FYN: variants seen among roughly 807,000 people sequenced by gnomAD.
The protein encoded by FYN is FYN proto-oncogene, Src family tyrosine kinase, also known as tyrosine-protein kinase Fyn.
In FYN, 10 loss-of-function variants were observed where a neutral mutation model predicts 70.2. The ratio of observed to expected loss-of-function variants is 0.14; its 90% CI spans 0.09 to 0.24. The LOEUF (loss-of-function observed/expected upper bound fraction) is 0.24. Ranked by LOEUF, FYN falls within the 10% of genes least tolerant of loss-of-function variation. The probability of loss-of-function intolerance (pLI) is 1.00; values close to 1 mark genes in which losing one functional copy is unlikely to be tolerated. For missense variants in FYN, 319 were observed against 673.1 expected (o/e 0.47, Z 5.82); for synonymous variants, 236 against 248.6 (o/e 0.95, Z 0.48).
chr6:111,765,623 A>C (rs1239029590), intron 3 of FYN, among the ~76,000 whole-genome samples: 7 of 152,232 alleles, frequency 4.6e-5, no homozygotes, highest in Admixed American at 3.9e-4. Context: ...ATATGTTCTA[A>C]GACTTATTCA....
At chr6:111,855,719 G>A (rs1472264171) in intron 1 of FYN, among the ~76,000 whole-genome samples, 1 of 152,166 alleles carries the variant, frequency 6.6e-6, no homozygotes. Flanking sequence ...AAGTTTGGGT[G>A]TATTCTGTTC....
At chr6:111,767,556 A>G (rs1379012634) in intron 3 of FYN, among the ~76,000 whole-genome samples, 1 of 152,048 alleles carries the variant, frequency 6.6e-6, no homozygotes, top group Non-Finnish European at 1.5e-5. Flanking sequence ...ATGCACCACC[A>G]CACCCAGCTA....
intron 3 of FYN, among the ~76,000 whole-genome samples, chr6:111,742,010 T>A (rs1180816852): frequency 2.0e-5 from 3 of 152,146 alleles, no homozygotes; most frequent in Admixed American, 6.5e-5. Context: ...GTGATTAAAA[T>A]AATCCCCCAT....
rs557273997 is a variant in FYN, at chr6:111,756,214, T to C, written c.-12+24352A>G. Among the ~76,000 whole-genome samples, 4 of 152,162 alleles carry C rather than the reference T, an allele frequency of 2.6e-5. No individual in the cohort carries two copies. The East Asian group carries it at 7.7e-4, about 29-fold the overall frequency. ...AACAGCACACTACTATGAAGAAATA[T>C]GTGCCATTAAGTTTGAAAATTTCAA... is the stretch of plus-strand genomic sequence containing the variant. On this transcript the variant is annotated intron_variant, in intron 3 of 13. Coordinates refer to ENST00000354650, the MANE Select transcript of FYN (RefSeq NM_002037.5).
At chr6:111,778,250 A>T (rs1771028586) in intron 3 of FYN, among the ~76,000 whole-genome samples, 1 of 152,200 alleles carries the variant, frequency 6.6e-6, no homozygotes, top group African/African-American at 2.4e-5. Context: ...ATTCACCCAG[A>T]GAAGAAAAGA....
chr6:111,838,551 G>C (rs1773258888), intron 2 of FYN, among the ~76,000 whole-genome samples: 1 of 152,212 alleles, frequency 6.6e-6, no homozygotes, highest in Admixed American at 6.5e-5. Context: ...GAGGTCCTTG[G>C]AACAGGGCTT....
intron 4 of FYN, among the ~76,000 whole-genome samples, chr6:111,719,449 T>C (rs1463333433): frequency 6.6e-6 from 1 of 152,126 alleles, no homozygotes; most frequent in Non-Finnish European, 1.5e-5. Context: ...GACTGGGACA[T>C]GGCTCAGGCA....
At chr6:111,769,465 G>A (rs1008277459) in intron 3 of FYN, among the ~76,000 whole-genome samples, 1 of 152,224 alleles carries the variant, frequency 6.6e-6, no homozygotes, top group African/African-American at 2.4e-5. Context: ...TCAGTGGTCA[G>A]AGACTTGACA....
intron 12 of FYN, among the ~76,000 whole-genome samples, chr6:111,684,432 C>A (rs1168174523): frequency 1.3e-5 from 2 of 152,196 alleles, no homozygotes; most frequent in East Asian, 3.9e-4. Flanking sequence ...GAACCCAGGA[C>A]AACTAGAGGA....
chr6:111,824,718 G>T (rs2114382846), intron 2 of FYN, among the ~76,000 whole-genome samples: 1 of 152,012 alleles, frequency 6.6e-6, no homozygotes, highest in Non-Finnish European at 1.5e-5. Context: ...TTCTTCTCAG[G>T]TCTCTTATGC....
At position 111,750,374 on chromosome 6, in the gene FYN, T is replaced by G. The variant is rs1232096162; in HGVS notation, c.-12+30192A>C. Among the ~76,000 whole-genome samples, 7 of 152,322 alleles carry G rather than the reference T, an allele frequency of 4.6e-5. No individual in the cohort carries two copies. The East Asian group carries it at 1.4e-3, about 29-fold the overall frequency. On this transcript the variant is annotated intron_variant, in intron 3 of 13. Coordinates refer to ENST00000354650, the MANE Select transcript of FYN (RefSeq NM_002037.5). ...TCTCTCCTGCTCCCACCATGTGAGA[T>G]GCCTCGCTTCCCCTTTGCCTTCCGC...
In FYN at chr6:111,762,888, C is replaced by T. The variant is rs185961499; in HGVS notation, c.-12+17678G>A. Among the ~76,000 whole-genome samples the T allele has an allele frequency of 2.0e-3, 308 of 152,238 alleles. 2 individuals are homozygous for T. Among genetic ancestry groups the T allele is most frequent in the Non-Finnish European group, 3.6e-3 (243 of 68,022 alleles). ...GTCCTCGCATTCAAATGGCTGGACA[C>T]GGGTGAGAATCTCCTTCCCTTACTA... On this transcript the variant is annotated intron_variant, in intron 3 of 13. Transcript: ENST00000354650.
intron 13 of FYN, among the ~76,000 whole-genome samples, chr6:111,669,780 A>T (rs758503418): frequency 6.6e-6 from 1 of 152,040 alleles, no homozygotes; most frequent in Non-Finnish European, 1.5e-5. Flanking sequence ...TTATTTGCTT[A>T]TACTTACTGA....
At chr6:111,723,621 G>A (rs1181715989) in intron 3 of FYN, among the ~76,000 whole-genome samples, 3 of 152,170 alleles carry the variant, frequency 2.0e-5, no homozygotes, top group Admixed American at 6.5e-5. Flanking sequence ...TTTCTCCCCC[G>A]TGGGGCAGTC....
chr6:111,831,858 C>T (rs1773027257), intron 2 of FYN, among the ~76,000 whole-genome samples: 1 of 152,100 alleles, frequency 6.6e-6, no homozygotes, highest in Non-Finnish European at 1.5e-5. Flanking sequence ...TTACATACAT[C>T]CTCCTGGTGT....
At chr6:111,871,599 C>A (rs1774275055) in intron 1 of FYN, among the ~76,000 whole-genome samples, 1 of 152,200 alleles carries the variant, frequency 6.6e-6, no homozygotes, top group South Asian at 2.1e-4. Context: ...CAGTACAGTG[C>A]CCTCTTAGAC....
At chr6:111,684,159 A>C (rs1169084320) in intron 12 of FYN, among the ~76,000 whole-genome samples, 1 of 152,098 alleles carries the variant, frequency 6.6e-6, no homozygotes, top group African/African-American at 2.4e-5. Flanking sequence ...GGTTGGGAGG[A>C]AGGAGGAATG....
At position 111,831,759 on chromosome 6, in the gene FYN, G is replaced by A. The variant is rs1773024211; in HGVS notation, c.-82+14830C>T. ...GAGGAAAGCCCTCCTGTCTCTCTTA[G>A]GTAGTTTTACAATCCTAACAATAGA... On this transcript the variant is annotated intron_variant, in intron 2 of 13. Coordinates refer to ENST00000354650, the MANE Select transcript of FYN (RefSeq NM_002037.5). Among the ~76,000 whole-genome samples the A allele has an allele frequency of 2.6e-5, 4 of 152,144 alleles. No homozygotes were observed. The South Asian group carries it at 8.3e-4, about 32-fold the overall frequency.
intron 2 of FYN, among the ~76,000 whole-genome samples, chr6:111,828,080 C>T (rs1368017619): frequency 1.3e-5 from 2 of 152,088 alleles, no homozygotes; most frequent in East Asian, 3.9e-4. Flanking sequence ...GACTGTGTAC[C>T]CTGAGAACTT....
Sources: allele counts gnomAD v4.1 joint callset (sites outside exome capture counted in the v4.1 genomes callset), GRCh38; gene constraint gnomAD v4.1.1; transcripts MANE v1.5; gene names NCBI Gene and HGNC (gene_info 2026-07-23, HGNC 2026-07-21).